CALCB: variants seen among roughly 807,000 people sequenced by gnomAD.
CALCB encodes the protein calcitonin related polypeptide beta.
CALCB carries 8 observed loss-of-function variants against 10.7 expected under a neutral mutation model. That is an observed-to-expected ratio of 0.75 (90% CI 0.44 to 1.34). CALCB has a LOEUF of 1.34. Among genes scored for constraint, CALCB ranks in the 40% most tolerant of loss-of-function variants. The probability of loss-of-function intolerance (pLI) is 0.01; values close to 1 mark genes in which losing one functional copy is unlikely to be tolerated. For synonymous variants in CALCB, 76 were observed against 66.9 expected (o/e 1.14, Z -0.66); for missense variants, 176 against 162.5 (o/e 1.08, Z -0.45).
chr11:15,077,361 AG>A lies in CALCB; in HGVS notation c.305del (p.Gly102AlafsTer3), dbSNP rs764285289. On this transcript the variant is annotated frameshift_variant, in exon 4 of 5. Coordinates refer to ENST00000324229, the MANE Select transcript of CALCB (RefSeq NM_000728.4). LOFTEE classifies it high-confidence loss of function. ...HRLAGLLSRS[G>X]GMVKSNFVPT... ...GGCTGGCAGGCTTGCTGAGCAGATC[AG>A]GGGGCATGGTGAAGAGCAACTTCGT... 3 of 1,614,078 alleles carry A rather than the reference AG, an allele frequency of 1.9e-6. No homozygotes were observed. Among genetic ancestry groups the A allele is most frequent in the Admixed American group, 1.7e-5 (1 of 60,008 alleles).
rs1850413389 is a variant in CALCB at position 15,078,293 on chromosome 11, T to A, written c.*236T>A. On this transcript the variant is annotated 3_prime_UTR_variant, in exon 5 of 5. Coordinates refer to ENST00000324229, the MANE Select transcript of CALCB (RefSeq NM_000728.4). ...TATTTAATTCTATGTCCAGTAAAAG[T>A]GATGGCATCTCTCATTGACTTATCT... The A allele has an allele frequency of 6.6e-6, 1 of 152,238 alleles. No individual in the cohort carries two copies. The highest frequency in any genetic ancestry group is 1.5e-5 in the Non-Finnish European group (1 of 68,048). The allele number at this position is 152,238 out of a possible 1,614,324, so 9.4% of individuals were successfully genotyped here.
intron 1 of CALCB, among the ~76,000 whole-genome samples, chr11:15,074,484 C>G (rs897159838): frequency 6.6e-6 from 1 of 152,318 alleles, no homozygotes; most frequent in African/African-American, 2.4e-5. Flanking sequence ...CAAAATTCAT[C>G]CTTTCTCTCC....
rs1304568410 is a variant in CALCB, at chr11:15,078,481, A to T, written c.*424A>T. 6.6e-6 allele frequency: 1 copy of T among 152,170 alleles called. No individual in the cohort carries two copies. The highest frequency in any genetic ancestry group is 1.5e-5 in the Non-Finnish European group (1 of 68,046). 9.4% of individuals were successfully genotyped at this position (152,170 alleles called of 1,614,324 possible). A position where few individuals can be genotyped will look rare whatever the true frequency, so the allele number is the denominator to read the frequency against. On this transcript the variant is annotated 3_prime_UTR_variant, in exon 5 of 5. Transcript: ENST00000324229. The stretch of plus-strand genomic sequence containing the variant: ...CATGATTGTATAATTTGTTTAAGAA[A>T]ATGTCAATATTGTGCCATTTGTGAA...
At chr11:15,078,025 T>G (rs1009944350) in intron 4 of CALCB, 58 bp from the exon 5 acceptor site, 3 of 152,306 alleles carry the variant, frequency 2.0e-5, no homozygotes, top group Admixed American at 2.0e-4. Flanking sequence ...TTCTTCCTTT[T>G]TCTCTCCTTT....
intron 1 of CALCB, among the ~76,000 whole-genome samples, chr11:15,074,002 C>T (rs1392395607): frequency 3.9e-5 from 6 of 152,270 alleles, no homozygotes; most frequent in African/African-American, 1.4e-4. Context: ...CCTGCGCCGT[C>T]TTTGTCCTTC....
At chr11:15,077,146 C>G in intron 3 of CALCB, 140 bp from the exon 4 acceptor site, 1 of 887,236 alleles carries the variant, frequency 1.1e-6, no homozygotes, top group South Asian at 1.7e-5. Context: ...GCCATTTCCC[C>G]TAACAGCTTT....
chr11:15,074,481 C>A (rs1387290778), intron 1 of CALCB, among the ~76,000 whole-genome samples: 1 of 152,226 alleles, frequency 6.6e-6, no homozygotes, highest in Non-Finnish European at 1.5e-5. Flanking sequence ...AACCAAAATT[C>A]ATCCTTTCTC....
At position 15,077,352 on chromosome 11, in the gene CALCB, G is replaced by A. The variant is rs376863577; in HGVS notation, c.291G>A (p.Leu97=). The part of the protein sequence containing the change: ...TCVTHRLAGL[L]SRSGGMVKSN... ...TGACTCATCGGCTGGCAGGCTTGCT[G>A]AGCAGATCAGGGGGCATGGTGAAGA... is the stretch of plus-strand genomic sequence containing the variant. The change falls in exon 4 of 5, where the codon CTG becomes CTA. Residue 97 remains leucine (L), a synonymous_variant. Coordinates refer to ENST00000324229, the MANE Select transcript of CALCB (RefSeq NM_000728.4). 7.8e-5 allele frequency: 126 copies of A among 1,614,132 alleles called. No individual in the cohort carries two copies. The highest frequency in any genetic ancestry group is 1.0e-4 in the Non-Finnish European group (119 of 1,180,054).
At chr11:15,074,656 G>T in intron 1 of CALCB, 54 bp from the exon 2 acceptor site, 1 of 1,392,356 alleles carries the variant, frequency 7.2e-7, no homozygotes, top group Non-Finnish European at 1.0e-6. Context: ...GCAGAGGCAG[G>T]ACTGGAACCT....
rs1436480740 is a variant in CALCB, at chr11:15,077,754, G to T, written c.*25+284G>T. Among the ~76,000 whole-genome samples, 3 of 152,290 alleles carry T rather than the reference G, an allele frequency of 2.0e-5. No homozygotes were observed. The East Asian group carries it at 5.8e-4, about 29-fold the overall frequency. On this transcript the variant is annotated intron_variant, in intron 4 of 4. Coordinates refer to ENST00000324229, the MANE Select transcript of CALCB (RefSeq NM_000728.4). Reference sequence around the variant, plus strand: ...AACCAGGGCCAGTCTTCATTCATTAGGCTGGTTTCAGAAAGGGCTCAACCC... The same window carrying T: ...AACCAGGGCCAGTCTTCATTCATTATGCTGGTTTCAGAAAGGGCTCAACCC...
chr11:15,074,947 C>T (rs1850379632), intron 2 of CALCB, 114 bp from the exon 3 acceptor site: 2 of 1,440,698 alleles, frequency 1.4e-6, no homozygotes. Context: ...CCCTGGGAGT[C>T]GCGGTGGCCA....
In CALCB at chr11:15,077,261, CTTCT is replaced by C. The variant is rs1169998322; in HGVS notation, c.225-20_225-17del. On this transcript the variant is annotated intron_variant, in intron 3 of 4. Transcript: ENST00000324229. The stretch of plus-strand genomic sequence containing the variant: ...CCAGCTTTTCACTCACAGGTCTTCT[CTTCT>C]TTCTCTATCTTGCAAATCAGCTCCG... The C allele has an allele frequency of 1.9e-6, 3 of 1,611,180 alleles. No homozygotes were observed. The East Asian group carries it at 6.7e-5, about 36-fold the overall frequency.
chr11:15,074,999 C>T (rs1850379975), intron 2 of CALCB, 62 bp from the exon 3 acceptor site: 4 of 1,592,138 alleles, frequency 2.5e-6, no homozygotes, highest in African/African-American at 1.3e-5. Flanking sequence ...GCCTGGCTGC[C>T]TATCCTGGGG....
Position 15,074,764 on chromosome 11 carries a change from G to T in CALCB, c.46G>T (p.Val16Phe), listed in dbSNP as rs1255798853. 1 of 1,614,120 alleles carries T rather than the reference G, an allele frequency of 6.2e-7. No homozygotes were observed. Reference sequence around the variant, plus strand: ...CCCCTTCCTGGCTCTCAGTATCTTGGTCCTGTACCAGGCGGGCAGCCTCCA... The same window carrying T: ...CCCCTTCCTGGCTCTCAGTATCTTGTTCCTGTACCAGGCGGGCAGCCTCCA... ...FSPFLALSIL[V>F]LYQAGSLQAA... The change falls in exon 2 of 5, where the codon GTC becomes TTC. Residue 16 changes from valine to phenylalanine, a missense_variant. Transcript: ENST00000324229.
Position 15,078,428 on chromosome 11 carries a change from G to A in CALCB, c.*371G>A, listed in dbSNP as rs1283957897. 2 of 152,130 alleles carry A rather than the reference G, an allele frequency of 1.3e-5. No individual in the cohort carries two copies. Among genetic ancestry groups the A allele is most frequent in the Non-Finnish European group, 2.9e-5 (2 of 68,034 alleles). The allele number at this position is 152,130 out of a possible 1,614,324, so 9.4% of individuals were successfully genotyped here. A position where few individuals can be genotyped will look rare whatever the true frequency, so the allele number is the denominator to read the frequency against. On this transcript the variant is annotated 3_prime_UTR_variant, in exon 5 of 5. Transcript: ENST00000324229. The stretch of plus-strand genomic sequence containing the variant: ...GTGGTCTCCGAGGACACATGGTAAT[G>A]GTGATGCTGTGCCTTGTTATCTAAG...
At chr11:15,077,210 C>A in intron 3 of CALCB, 76 bp from the exon 4 acceptor site, 2 of 1,490,668 alleles carry the variant, frequency 1.3e-6, no homozygotes, top group Non-Finnish European at 1.8e-6. Context: ...CGAAGTGTTG[C>A]AGTTCTCTTC....
chr11:15,077,493 A>G, intron 4 of CALCB, 23 bp downstream of exon 4: 1 of 1,607,758 alleles, frequency 6.2e-7, no homozygotes, highest in Non-Finnish European at 8.5e-7. Context: ...ATGCTATGGG[A>G]TAAGAGGGGG....
intron 4 of CALCB, 118 bp downstream of exon 4, chr11:15,077,588 C>T (rs1850408042): frequency 9.8e-7 from 1 of 1,021,442 alleles, no homozygotes; most frequent in Non-Finnish European, 1.4e-6. Context: ...TACATTGTTC[C>T]TCCTGAGGCA....
intron 3 of CALCB, among the ~76,000 whole-genome samples, chr11:15,076,543 A>T (rs936527553): frequency 1.3e-5 from 2 of 152,242 alleles, no homozygotes; most frequent in Admixed American, 1.3e-4. Flanking sequence ...CACATTAGAG[A>T]TAAAAGAAAA....
Sources: gnomAD v4.1 joint callset for allele counts (sites outside exome capture counted in the v4.1 genomes callset) on GRCh38, gnomAD v4.1.1 for gene constraint, MANE v1.5 for transcripts, NCBI Gene and HGNC (gene_info 2026-07-23, HGNC 2026-07-21) for gene names.